POTEJ: variants seen among roughly 807,000 people sequenced by gnomAD.
POTEJ encodes POTE ankyrin domain family member J, also known as POTE ankyrin domain family, member J.
Under a neutral mutation model 69.0 loss-of-function variants are expected in POTEJ, and 11 were observed. The observed-to-expected ratio is 0.16, with a 90% CI of 0.10 to 0.26. The LOEUF (loss-of-function observed/expected upper bound fraction) is 0.26, where lower values mean the gene tolerates loss of function less well. POTEJ is among the 10% of genes least tolerant of loss of function. The pLI, the probability that POTEJ is intolerant of heterozygous loss-of-function variation, is 1.00. For missense variants in POTEJ, 327 were observed against 1,045.5 expected, an observed-to-expected ratio of 0.31 and a Z score of 9.48; for synonymous variants, 117 against 381.1, an observed-to-expected ratio of 0.31 and a Z score of 8.07.
intron 1 of POTEJ, among the ~76,000 whole-genome samples, chr2:130,612,173 A>G (rs1405156750): frequency 6.7e-6 from 1 of 150,248 alleles, no homozygotes; most frequent in Non-Finnish European, 1.5e-5. Context: ...TAGAACACTA[A>G]TAGACTGTTT....
At chr2:130,648,781 GTTTTTTTTTTTT>G (rs761289482) in intron 13 of POTEJ, among the ~76,000 whole-genome samples, 1 of 81,848 alleles carries the variant, frequency 1.2e-5, no homozygotes, top group African/African-American at 5.5e-5. Context: ...CTTTCTCATA[GTTTTTTTTTTTT>G]TTTTTTTTTT....
At chr2:130,630,559 C>G in intron 7 of POTEJ, among the ~76,000 whole-genome samples, 1 of 140,986 alleles carries the variant, frequency 7.1e-6, no homozygotes, top group Non-Finnish European at 1.5e-5. Context: ...TCACTGATAC[C>G]AAGCTTAAAA....
At chr2:130,644,314 C>G (rs1236711020) in intron 11 of POTEJ, among the ~76,000 whole-genome samples, 2 of 146,936 alleles carry the variant, frequency 1.4e-5, no homozygotes, top group African/African-American at 5.0e-5. Flanking sequence ...AGTAAAAATA[C>G]AAAAACTTAG....
intron 13 of POTEJ, among the ~76,000 whole-genome samples, chr2:130,648,239 A>G (rs1686662459): frequency 1.4e-5 from 2 of 146,742 alleles, no homozygotes; most frequent in Non-Finnish European, 3.0e-5. Flanking sequence ...ACATTTCTAA[A>G]TGCCATATGT....
In POTEJ at chr2:130,631,960, G is replaced by A. The variant is rs1217143038; in HGVS notation, c.1131+507G>A. Among the ~76,000 whole-genome samples the A allele has an allele frequency of 1.4e-5, 2 of 143,320 alleles. 1 individual carries two copies. Among genetic ancestry groups the A allele is most frequent in the Non-Finnish European group, 3.0e-5 (2 of 65,862 alleles). The allele number at this position is 143,320 out of a possible 152,430, so 94.0% of individuals were successfully genotyped here. A position where few individuals can be genotyped will look rare whatever the true frequency, so the allele number is the denominator to read the frequency against. On this transcript the variant is annotated intron_variant, in intron 8 of 14. Coordinates refer to ENST00000409602, the MANE Select transcript of POTEJ (RefSeq NM_001277083.2). ...GCACCATCATGTTTTTGATATCTCAGCAACCAAATGAAAAAAGAATGCTCA... is the reference window on the plus strand; with the variant it reads ...GCACCATCATGTTTTTGATATCTCAACAACCAAATGAAAAAAGAATGCTCA...
At chr2:130,624,867 T>C (rs1206146649) in intron 6 of POTEJ, among the ~76,000 whole-genome samples, 1 of 152,124 alleles carries the variant, frequency 6.6e-6, no homozygotes, top group African/African-American at 2.4e-5. Context: ...TGGAACAAGA[T>C]GTGTTCTCCT....
chr2:130,624,459 T>C (rs1685630388), intron 6 of POTEJ, among the ~76,000 whole-genome samples: 1 of 149,652 alleles, frequency 6.7e-6, no homozygotes, highest in South Asian at 2.1e-4. Flanking sequence ...GCACACAACC[T>C]AGATCCCTCA....
chr2:130,632,040 A>G (rs62164931), intron 8 of POTEJ, among the ~76,000 whole-genome samples: 2,035 of 124,636 alleles, frequency 0.016, 142 homozygotes, highest in South Asian at 0.024. Context: ...CTTCCTTTCT[A>G]TTCCTGAAGC....
intron 6 of POTEJ, among the ~76,000 whole-genome samples, chr2:130,624,790 T>C (rs1573974155): frequency 6.6e-6 from 1 of 152,072 alleles, no homozygotes; most frequent in Non-Finnish European, 1.5e-5. Context: ...CTTGTCCCAA[T>C]AAGGTCTCAC....
In POTEJ at chr2:130,641,740, C is replaced by T. The variant is rs556869415; in HGVS notation, c.1370-2243C>T. On this transcript the variant is annotated intron_variant, in intron 10 of 14. Coordinates refer to ENST00000409602, the MANE Select transcript of POTEJ (RefSeq NM_001277083.2). ...TTCTATGCATGTTTAATGGAATATTCGTGTAGGATATTTTGAGTAGGTCAT... is the reference window on the plus strand; with the variant it reads ...TTCTATGCATGTTTAATGGAATATTTGTGTAGGATATTTTGAGTAGGTCAT... Among the ~76,000 whole-genome samples, 30 of 152,092 alleles carry T rather than the reference C, an allele frequency of 2.0e-4. No homozygotes were observed. The East Asian group carries it at 3.9e-3, about 20-fold the overall frequency.
intron 1 of POTEJ, among the ~76,000 whole-genome samples, chr2:130,615,772 A>G (rs1267656525): frequency 1.3e-5 from 2 of 149,112 alleles, no homozygotes; most frequent in East Asian, 1.9e-4. Flanking sequence ...AAAAGTTGAA[A>G]AAAGCTCCAC....
chr2:130,637,510 T>C (rs1255349834), intron 9 of POTEJ, among the ~76,000 whole-genome samples: 1 of 151,602 alleles, frequency 6.6e-6, no homozygotes, highest in Non-Finnish European at 1.5e-5. Flanking sequence ...TGGAAGGTCA[T>C]TTGACTGTTT....
At chr2:130,641,554 T>TTTAG (rs1393526900) in intron 10 of POTEJ, among the ~76,000 whole-genome samples, 1 of 150,966 alleles carries the variant, frequency 6.6e-6, no homozygotes, top group Non-Finnish European at 1.5e-5. Flanking sequence ...TTAGTGATAA[T>TTTAG]TGAATGAGAA....
At chr2:130,612,595 C>T (rs1186252194) in intron 1 of POTEJ, among the ~76,000 whole-genome samples, 2 of 152,000 alleles carry the variant, frequency 1.3e-5, no homozygotes, top group Non-Finnish European at 2.9e-5. Flanking sequence ...CCTGTCTCTA[C>T]TAAAAATTAT....
At chr2:130,631,189 G>A (rs1280577024) in intron 7 of POTEJ, among the ~76,000 whole-genome samples, 4 of 148,740 alleles carry the variant, frequency 2.7e-5, no homozygotes, top group South Asian at 2.1e-4. Context: ...TTAGTCAGAA[G>A]CCAGTAATGT....
At chr2:130,636,146 T>C (rs1348073694) in intron 9 of POTEJ, among the ~76,000 whole-genome samples, 23 of 149,820 alleles carry the variant, frequency 1.5e-4, no homozygotes, top group African/African-American at 5.6e-4. Flanking sequence ...TGGGATGCTT[T>C]TTCCCCAGAT....
intron 10 of POTEJ, among the ~76,000 whole-genome samples, chr2:130,641,864 A>G (rs1338602720): frequency 6.6e-6 from 1 of 152,232 alleles, no homozygotes; most frequent in Non-Finnish European, 1.5e-5. Flanking sequence ...ATAAATGTCC[A>G]TGTGCATCAC....
chr2:130,613,363 C>G lies in POTEJ; in HGVS notation c.410+1421C>G, dbSNP rs1324682603. On this transcript the variant is annotated intron_variant, in intron 1 of 14. Coordinates refer to ENST00000409602, the MANE Select transcript of POTEJ (RefSeq NM_001277083.2). The stretch of plus-strand genomic sequence containing the variant: ...ATATATATGTGTGTGTATATATATA[C>G]ATATATATGTGTGTGTGTGTGTATA... 1.5e-4 allele frequency among the ~76,000 whole-genome samples: 14 copies of G among 91,430 alleles called. 1 individual carries two copies. Among genetic ancestry groups the G allele is most frequent in the Middle Eastern group, 8.2e-3 (1 of 122 alleles). 60.0% of individuals were successfully genotyped at this position (91,430 alleles called of 152,430 possible). A position where few individuals can be genotyped will look rare whatever the true frequency, so the allele number is the denominator to read the frequency against.
chr2:130,636,683 C>A (rs1686105405), intron 9 of POTEJ, among the ~76,000 whole-genome samples: 1 of 148,478 alleles, frequency 6.7e-6, no homozygotes, highest in Non-Finnish European at 1.5e-5. Context: ...ACTACCATAT[C>A]TTCACTGCTT....
Sources: allele counts gnomAD v4.1 joint callset (sites outside exome capture counted in the v4.1 genomes callset), GRCh38; gene constraint gnomAD v4.1.1; transcripts MANE v1.5; gene names NCBI Gene and HGNC (gene_info 2026-07-23, HGNC 2026-07-21).